Variants in TBC1D32 observed in about 807,000 individuals in gnomAD.
TBC1D32 encodes the protein protein broad-minded.
Under a neutral mutation model 170.3 loss-of-function variants are expected in TBC1D32, and 151 were observed. The ratio of observed to expected loss-of-function variants is 0.89; its 90% CI spans 0.78 to 1.01. The LOEUF (loss-of-function observed/expected upper bound fraction) is 1.01. Among genes scored for constraint, TBC1D32 ranks in the 50% least tolerant of loss-of-function variants. The pLI is 0.00. For missense variants in TBC1D32, 1,464 were observed against 1,457.1 expected (o/e 1.00, Z -0.08); for synonymous variants, 498 against 488.0 (o/e 1.02, Z -0.27).
chr6:121,082,518 C>T (rs895592962), intron 31 of TBC1D32, among the ~76,000 whole-genome samples: 6 of 151,826 alleles, frequency 4.0e-5, no homozygotes, highest in African/African-American at 1.5e-4. Flanking sequence ...CTTATTCTAA[C>T]CAGAGACTAA....
chr6:121,236,900 T>C (rs1182888972), intron 20 of TBC1D32: 1 of 152,078 alleles, frequency 6.6e-6, no homozygotes, highest in African/African-American at 2.4e-5. Context: ...CATAATTTTG[T>C]TTTAAAAAAC....
intron 12 of TBC1D32, among the ~76,000 whole-genome samples, chr6:121,291,438 A>C (rs545087939): frequency 6.6e-6 from 1 of 152,308 alleles, no homozygotes; most frequent in African/African-American, 2.4e-5. Flanking sequence ...ACAAAAAAAA[A>C]CAAAAAAACA....
chr6:121,225,109 G>C (rs573039318), intron 20 of TBC1D32, among the ~76,000 whole-genome samples: 1 of 152,080 alleles, frequency 6.6e-6, no homozygotes, highest in African/African-American at 2.4e-5. Flanking sequence ...TAAGAAATAT[G>C]TCTATTAATT....
chr6:121,115,522 A>G (rs1779604439), intron 26 of TBC1D32: 1 of 239,212 alleles, frequency 4.2e-6, no homozygotes. Flanking sequence ...CTCAGAATAA[A>G]AAGAGCCATT....
intron 12 of TBC1D32, among the ~76,000 whole-genome samples, chr6:121,284,810 A>T (rs957559517): frequency 6.6e-6 from 1 of 152,208 alleles, no homozygotes; most frequent in Non-Finnish European, 1.5e-5. Context: ...TGAATACTGC[A>T]TCAACATCAC....
intron 12 of TBC1D32, among the ~76,000 whole-genome samples, chr6:121,285,731 C>T (rs1803705976): frequency 6.6e-6 from 1 of 152,290 alleles, no homozygotes; most frequent in African/African-American, 2.4e-5. Context: ...AACTGGGAGG[C>T]ACCCCCCAGT....
intron 25 of TBC1D32, among the ~76,000 whole-genome samples, chr6:121,128,672 A>T (rs1419873078): frequency 6.6e-6 from 1 of 152,186 alleles, no homozygotes; most frequent in African/African-American, 2.4e-5. Flanking sequence ...CGACATGAAT[A>T]GTCTATAAAA....
intron 24 of TBC1D32, among the ~76,000 whole-genome samples, chr6:121,134,214 T>C (rs952574207): frequency 6.6e-6 from 1 of 152,158 alleles, no homozygotes; most frequent in African/African-American, 2.4e-5. Context: ...CTTCTACTCA[T>C]GTGTAACTCC....
intron 15 of TBC1D32, among the ~76,000 whole-genome samples, chr6:121,258,785 T>TCAGTGCTC (rs1799383015): frequency 6.6e-6 from 1 of 152,252 alleles, no homozygotes; most frequent in Middle Eastern, 3.4e-3. Context: ...TATAGACAGC[T>TCAGTGCTC]CAGTGCTCCA....
At chr6:121,148,657 G>A (rs1230588900) in intron 24 of TBC1D32, among the ~76,000 whole-genome samples, 1 of 151,780 alleles carries the variant, frequency 6.6e-6, no homozygotes, top group Non-Finnish European at 1.5e-5. Flanking sequence ...TCTGTCACCT[G>A]GGCTGGAGTA....
At chr6:121,107,721 T>C (rs147814388) in intron 29 of TBC1D32, among the ~76,000 whole-genome samples, 224 of 152,082 alleles carry the variant, frequency 1.5e-3, no homozygotes, top group African/African-American at 5.2e-3. Context: ...ATTTTAGTTT[T>C]TCCATGCAAA....
chr6:121,333,012 C>T (rs1811403061), intron 1 of TBC1D32, among the ~76,000 whole-genome samples: 1 of 152,120 alleles, frequency 6.6e-6, no homozygotes, highest in Non-Finnish European at 1.5e-5. Flanking sequence ...TGTAAATACT[C>T]CCCCTATAAA....
chr6:121,147,740 T>G (rs1404659792), intron 24 of TBC1D32, among the ~76,000 whole-genome samples: 1 of 151,882 alleles, frequency 6.6e-6, no homozygotes, highest in Non-Finnish European at 1.5e-5. Context: ...TACAGGTGCC[T>G]GCCACCACAC....
chr6:121,321,748 C>T lies in TBC1D32; in HGVS notation c.202G>A (p.Gly68Ser), dbSNP rs1279775428. 2.5e-6 allele frequency: 4 copies of T among 1,613,774 alleles called. No individual in the cohort carries two copies. The South Asian group carries it at 4.4e-5, about 18-fold the overall frequency. The change falls in exon 2 of 32, where the codon GGT becomes AGT. Residue 68 changes from glycine to serine, a missense_variant. Transcript: ENST00000398212. ...TCCATTTCTTCTTCAATCATAGAAC[C>T]CAAAGTGTTGCCTATATGCTGCCTG... is the stretch of plus-strand genomic sequence containing the variant. ...YLRQHIGNTL[G>S]SMIEEEMEKC...
rs1775453889 is a variant in TBC1D32, at chr6:121,079,575, C to T, written c.*1196G>A. The T allele has an allele frequency of 6.6e-6, 1 of 151,954 alleles. No individual in the cohort carries two copies. Among genetic ancestry groups the T allele is most frequent in the South Asian group, 2.1e-4 (1 of 4,820 alleles). 9.4% of individuals were successfully genotyped at this position (151,954 alleles called of 1,614,324 possible). The stretch of plus-strand genomic sequence containing the variant: ...AAAACAGTATCTACAATTAGAAAAA[C>T]TTATTGAAATAAACTCATGACTAAA... On this transcript the variant is annotated 3_prime_UTR_variant, in exon 32 of 32. Transcript: ENST00000398212.
At chr6:121,276,246 G>A (rs1379831102) in intron 15 of TBC1D32, among the ~76,000 whole-genome samples, 2 of 152,004 alleles carry the variant, frequency 1.3e-5, no homozygotes, top group African/African-American at 2.4e-5. Flanking sequence ...TAACAGAAAC[G>A]ATATAAGGGA....
intron 31 of TBC1D32, among the ~76,000 whole-genome samples, chr6:121,083,398 T>C (rs1449330530): frequency 1.3e-5 from 2 of 152,102 alleles, no homozygotes; most frequent in African/African-American, 4.8e-5. Context: ...AATCAACTGG[T>C]ATGTTTTTAA....
At chr6:121,158,537 G>A (rs1172872047) in intron 24 of TBC1D32, among the ~76,000 whole-genome samples, 3 of 152,098 alleles carry the variant, frequency 2.0e-5, no homozygotes, top group East Asian at 3.9e-4. Context: ...AAGAACCACT[G>A]CTGGGAAACT....
intron 13 of TBC1D32, among the ~76,000 whole-genome samples, chr6:121,282,922 A>G (rs1304318837): frequency 1.3e-5 from 2 of 151,836 alleles, no homozygotes; most frequent in Non-Finnish European, 3.0e-5. Flanking sequence ...TGTGAAGATC[A>G]ATAGGCTAAT....
Sources: gnomAD v4.1 joint callset for allele counts (sites outside exome capture counted in the v4.1 genomes callset) on GRCh38, gnomAD v4.1.1 for gene constraint, MANE v1.5 for transcripts, NCBI Gene and HGNC (gene_info 2026-07-23, HGNC 2026-07-21) for gene names.